Variants in TNIP3 observed in about 807,000 individuals in gnomAD.
The protein encoded by TNIP3 is TNFAIP3 interacting protein 3.
In TNIP3, 34 loss-of-function variants were observed where a neutral mutation model predicts 54.1. That is an observed-to-expected ratio of 0.63 (90% CI 0.48 to 0.84). The LOEUF is 0.84. TNIP3 is among the 40% of genes least tolerant of loss of function. The pLI is 0.00. For missense variants in TNIP3, 366 were observed against 387.6 expected, an observed-to-expected ratio of 0.94 and a Z score of 0.47; for synonymous variants, 134 against 136.8, an observed-to-expected ratio of 0.98 and a Z score of 0.14.
rs768490390 is a variant in TNIP3, at chr4:121,138,649, C to A, written c.921G>T (p.Pro307=). Residue 307 remains proline, a synonymous_variant, in exon 10 of 11, where the codon CCG becomes CCT. Coordinates refer to ENST00000057513, the MANE Select transcript of TNIP3 (RefSeq NM_024873.6). ...DYQWYALDQL[P]PDVQHKANGL... is the part of the protein sequence containing the mutation. ...CATTTGCCTTGTGTTGTACATCTGG[C>A]GGAAGCTGGTCAAGAGCATACCACT... 4 of 1,613,974 alleles carry A rather than the reference C, an allele frequency of 2.5e-6. No individual in the cohort carries two copies. The highest frequency in any genetic ancestry group is 1.1e-5 in the South Asian group (1 of 91,074).
intron 3 of TNIP3, among the ~76,000 whole-genome samples, chr4:121,172,348 G>T (rs1724017569): frequency 6.6e-6 from 1 of 152,196 alleles, no homozygotes; most frequent in Non-Finnish European, 1.5e-5. Context: ...TCAAATTGAG[G>T]AGGATGTAGT....
intron 9 of TNIP3, among the ~76,000 whole-genome samples, chr4:121,140,840 G>A (rs1371878686): frequency 6.6e-6 from 1 of 152,184 alleles, no homozygotes; most frequent in African/African-American, 2.4e-5. Context: ...TCAATTCTTA[G>A]CGGTGTGCTG....
chr4:121,142,704 C>T lies in TNIP3; in HGVS notation c.786+22G>A, dbSNP rs147231005. The T allele has an allele frequency of 1.1e-4, 173 of 1,594,398 alleles. 1 individual carries two copies. Among genetic ancestry groups the T allele is most frequent in the African/African-American group, 8.6e-4 (64 of 74,518 alleles). On this transcript the variant is annotated intron_variant, in intron 8 of 10. Transcript: ENST00000057513. ...TGCTGTACATGGGAATAAATGTATG[C>T]GTGAAAATTAGATCAACATACCTGT...
At chr4:121,194,126 C>T (rs149170449) in intron 2 of TNIP3, among the ~76,000 whole-genome samples, 8 of 152,088 alleles carry the variant, frequency 5.3e-5, no homozygotes, top group African/African-American at 9.6e-5. Flanking sequence ...GTTCATTTTC[C>T]GATTTTGATG....
intron 2 of TNIP3, among the ~76,000 whole-genome samples, chr4:121,213,493 G>A (rs1253857230): frequency 6.6e-6 from 1 of 152,002 alleles, no homozygotes; most frequent in Non-Finnish European, 1.5e-5. Flanking sequence ...TTGGAAGTCC[G>A]AGGCGGGTGG....
chr4:121,163,965 C>T (rs1730611437), intron 1 of TNIP3, 95 bp downstream of exon 1: 1 of 1,396,612 alleles, frequency 7.2e-7, no homozygotes. Flanking sequence ...AGCAAACTAG[C>T]CATTTCTGTT....
intron 2 of TNIP3, among the ~76,000 whole-genome samples, chr4:121,159,783 T>C (rs1730334962): frequency 6.6e-6 from 1 of 152,252 alleles, no homozygotes. Flanking sequence ...TGCTATGATA[T>C]GTGGTTGGCT....
chr4:121,149,990 A>C, intron 6 of TNIP3, 113 bp downstream of exon 6: 3 of 676,320 alleles, frequency 4.4e-6, no homozygotes, highest in Non-Finnish European at 7.9e-6. Flanking sequence ...ACTTAAAATA[A>C]ATGCAAAAAC....
At chr4:121,185,828 T>C (rs1167452830) in intron 2 of TNIP3, among the ~76,000 whole-genome samples, 1 of 152,234 alleles carries the variant, frequency 6.6e-6, no homozygotes, top group East Asian at 1.9e-4. Context: ...TTGTATTATA[T>C]GTGTTCTTTG....
chr4:121,145,315 T>C (rs952013473), intron 7 of TNIP3, among the ~76,000 whole-genome samples: 1 of 152,184 alleles, frequency 6.6e-6, no homozygotes, highest in African/African-American at 2.4e-5. Context: ...ATGATTGAGC[T>C]TTCATTATTT....
At chr4:121,133,788 G>GGT (rs1191037553) in intron 10 of TNIP3, among the ~76,000 whole-genome samples, 9 of 152,108 alleles carry the variant, frequency 5.9e-5, no homozygotes, top group African/African-American at 1.9e-4. Flanking sequence ...CACTGTAACT[G>GGT]GTGTGTGTGT....
At chr4:121,159,180 T>C (rs1195840181) in intron 2 of TNIP3, among the ~76,000 whole-genome samples, 1 of 151,972 alleles carries the variant, frequency 6.6e-6, no homozygotes, top group African/African-American at 2.4e-5. Flanking sequence ...GAGGTGGAGG[T>C]TGCAGTGAGC....
intron 3 of TNIP3, among the ~76,000 whole-genome samples, chr4:121,181,627 GT>G (rs1379361379): frequency 2.2e-4 from 16 of 74,250 alleles, no homozygotes; most frequent in African/African-American, 1.8e-3. Flanking sequence ...TAAGACAGGT[GT>G]GTGTGTGTGT....
At chr4:121,223,528 G>A (rs1320791241) in intron 1 of TNIP3, among the ~76,000 whole-genome samples, 1 of 152,138 alleles carries the variant, frequency 6.6e-6, no homozygotes, top group Non-Finnish European at 1.5e-5. Context: ...TTTGCTACTT[G>A]CTTTCCAGTG....
chr4:121,154,247 C>T (rs1044379417), intron 5 of TNIP3: 17 of 325,320 alleles, frequency 5.2e-5, no homozygotes, highest in African/African-American at 3.8e-4. Flanking sequence ...TTATTGTTCG[C>T]AAACACCCAC....
At chr4:121,219,503 T>C (rs757709262), upstream of TNIP3, among the ~76,000 whole-genome samples, 1 of 152,224 alleles carries the variant, frequency 6.6e-6, no homozygotes, top group Non-Finnish European at 1.5e-5. Context: ...CAATCCATAG[T>C]TCCAAAATAA....
chr4:121,189,496 G>GT (rs1475298679), intron 2 of TNIP3, among the ~76,000 whole-genome samples: 1 of 152,176 alleles, frequency 6.6e-6, no homozygotes, highest in Non-Finnish European at 1.5e-5. Context: ...ATGATTTACT[G>GT]TAACTATGCT....
intron 2 of TNIP3, among the ~76,000 whole-genome samples, chr4:121,191,706 C>A (rs1434105305): frequency 6.6e-6 from 1 of 152,040 alleles, no homozygotes; most frequent in East Asian, 1.9e-4. Flanking sequence ...AATAATTTTC[C>A]CTAGTATCTC....
At chr4:121,176,731 G>A (rs1020027232) in intron 3 of TNIP3, among the ~76,000 whole-genome samples, 1 of 151,410 alleles carries the variant, frequency 6.6e-6, no homozygotes, top group Non-Finnish European at 1.5e-5. Flanking sequence ...CTACAGTGTG[G>A]TTACAGAAAA....
Sources: allele counts gnomAD v4.1 joint callset (sites outside exome capture counted in the v4.1 genomes callset), GRCh38; gene constraint gnomAD v4.1.1; transcripts MANE v1.5; gene names NCBI Gene and HGNC (gene_info 2026-07-23, HGNC 2026-07-21).